The following ZNF613 variants were observed in gnomAD, a reference collection of about 807,000 sequenced individuals.
ZNF613 encodes zinc finger protein 613.
In ZNF613, 8 loss-of-function variants were observed where a neutral mutation model predicts 14.3. The ratio of observed to expected loss-of-function variants is 0.56; its 90% CI spans 0.33 to 1.01. The LOEUF is 1.01. Among genes scored for constraint, ZNF613 ranks in the 50% least tolerant of loss-of-function variants. The pLI is 0.03. For synonymous variants in ZNF613, 228 were observed against 254.5 expected, an observed-to-expected ratio of 0.90 and a Z score of 0.99; for missense variants, 656 against 741.9, an observed-to-expected ratio of 0.88 and a Z score of 1.35.
chr19:51,946,074 C>A lies in ZNF613; in HGVS notation c.*337C>A. ...CACAGGAGAGAAACTTTTGGAAGAC[C>A]TTTGAAGGCTATGAATGTGGCAGGG... On this transcript the variant is annotated 3_prime_UTR_variant, in exon 6 of 6. Transcript: ENST00000293471. 1 of 258,188 alleles carries A rather than the reference C, an allele frequency of 3.9e-6. No individual in the cohort carries two copies. Among genetic ancestry groups the A allele is most frequent in the Non-Finnish European group, 7.5e-6 (1 of 132,802 alleles). The allele number at this position is 258,188 out of a possible 1,614,324, so 16.0% of individuals were successfully genotyped here.
At position 51,945,556 on chromosome 19, in the gene ZNF613, A is replaced by C. The variant is rs758457559; in HGVS notation, c.1673A>C (p.His558Pro). The change falls in exon 6 of 6, where the codon CAT becomes CCT. Residue 558 changes from histidine (H) to proline (P), a missense_variant. His to Pro is a moderately conservative substitution (Grantham distance 77). Coordinates refer to ENST00000293471, the MANE Select transcript of ZNF613 (RefSeq NM_001031721.4). ...NPCSESHSLS[H>P]TRDLIQDKDS... is the part of the protein sequence containing the mutation. The stretch of plus-strand genomic sequence containing the variant: ...TGCTCAGAGAGTCATAGCTTATCAC[A>C]TACACGTGATCTCATACAGGATAAA... The C allele has an allele frequency of 4.1e-5, 66 of 1,614,024 alleles. No homozygotes were observed. The highest frequency in any genetic ancestry group is 5.3e-5 in the Non-Finnish European group (63 of 1,180,002).
chr19:51,932,306 T>G (rs1358421073), intron 2 of ZNF613, among the ~76,000 whole-genome samples: 1 of 144,968 alleles, frequency 6.9e-6, no homozygotes, highest in Non-Finnish European at 1.5e-5. Context: ...CAACATCTTT[T>G]TTTTTTTTTT....
chr19:51,939,327 T>C (rs527680657), intron 3 of ZNF613, among the ~76,000 whole-genome samples: 1 of 151,780 alleles, frequency 6.6e-6, no homozygotes, highest in East Asian at 1.9e-4. Flanking sequence ...TTATTTTATT[T>C]TTATTTATGT....
rs4801902 is a variant in ZNF613, at chr19:51,936,045, C to T, written c.-176C>T. Reference sequence around the variant, plus strand: ...CTCTTCAGCCCACAGGTCCTGACTTCAGGAGCAAGACACTTCAAGTGAGGT... The same window carrying T: ...CTCTTCAGCCCACAGGTCCTGACTTTAGGAGCAAGACACTTCAAGTGAGGT... On this transcript the variant is annotated 5_prime_UTR_variant, in exon 3 of 6. Coordinates refer to ENST00000293471, the MANE Select transcript of ZNF613 (RefSeq NM_001031721.4). 13,174 of 537,124 alleles carry T rather than the reference C, an allele frequency of 0.025. 224 individuals carry two copies. Among genetic ancestry groups the T allele is most frequent in the Non-Finnish European group, 0.035 (10,794 of 311,446 alleles). The allele number at this position is 537,124 out of a possible 1,614,324, so 33.3% of individuals were successfully genotyped here.
intron 2 of ZNF613, 46 bp downstream of exon 2, chr19:51,929,942 G>C (rs1248484644): frequency 1.3e-5 from 2 of 152,114 alleles, no homozygotes; most frequent in Non-Finnish European, 2.9e-5. Context: ...ATTTCAGTAG[G>C]TTTATCATAA....
chr19:51,941,843 T>C (rs1257286959), intron 5 of ZNF613, among the ~76,000 whole-genome samples: 3 of 152,244 alleles, frequency 2.0e-5, no homozygotes, highest in Non-Finnish European at 4.4e-5. Context: ...CTCTTTCAAT[T>C]GATTTTTGAA....
At chr19:51,932,688 T>G (rs2085276098) in intron 2 of ZNF613, among the ~76,000 whole-genome samples, 1 of 152,074 alleles carries the variant, frequency 6.6e-6, no homozygotes, top group South Asian at 2.1e-4. Flanking sequence ...TTTTCTTTTT[T>G]TTTTTGAGAC....
chr19:51,942,597 G>A (rs59559467), intron 5 of ZNF613: 9,351 of 152,312 alleles, frequency 0.061, 466 homozygotes, highest in African/African-American at 0.14. Flanking sequence ...GAACAAGAGG[G>A]GCAGTGGTCG....
intron 3 of ZNF613, 67 bp downstream of exon 3, chr19:51,936,302 A>C: frequency 1.3e-6 from 2 of 1,495,620 alleles, no homozygotes; most frequent in Non-Finnish European, 9.1e-7. Context: ...TTTAAAAGTC[A>C]GTTGAATTAA....
chr19:51,940,310 G>C lies in ZNF613; in HGVS notation c.117G>C (p.Glu39Asp). The change falls in exon 4 of 6, where the codon GAG (glutamate) becomes GAC (aspartate). Residue 39 changes from glutamate (E) to aspartate (D), a missense_variant. Physicochemically the swap from Glu to Asp is conservative, Grantham distance 45. Coordinates refer to ENST00000293471, the MANE Select transcript of ZNF613 (RefSeq NM_001031721.4). ...ACCTGTACCGAGACGTGATGTTGGA[G>C]AACTATAGCAACCTCGTGTCAGTGG... is the stretch of plus-strand genomic sequence containing the variant. ...QKDLYRDVML[E>D]NYSNLVSVGY... is the part of the protein sequence containing the mutation. 1 of 1,613,696 alleles carries C rather than the reference G, an allele frequency of 6.2e-7. No homozygotes were observed. The highest frequency in any genetic ancestry group is 8.5e-7 in the Non-Finnish European group (1 of 1,179,766).
chr19:51,945,016 G>GAA lies in ZNF613; in HGVS notation c.1136_1137dup (p.Gly380LysfsTer65). On this transcript the variant is annotated frameshift_variant, in exon 6 of 6. Transcript: ENST00000293471. LOFTEE classifies it low-confidence loss of function (END_TRUNC). ...AAGTCATATATATGCCGTGATTGTGGAAAAGGCTTCATTCAGAAGGGAAAT... is the reference window on the plus strand; with the variant it reads ...AAGTCATATATATGCCGTGATTGTGGAAAAAAGGCTTCATTCAGAAGGGAAAT... 6.2e-7 allele frequency: 1 copy of GAA among 1,614,178 alleles called. No homozygotes were observed. The highest frequency in any genetic ancestry group is 8.5e-7 in the Non-Finnish European group (1 of 1,180,024).
chr19:51,939,081 T>C (rs1599907152), intron 3 of ZNF613, among the ~76,000 whole-genome samples: 2 of 151,886 alleles, frequency 1.3e-5, no homozygotes, highest in South Asian at 4.1e-4. Flanking sequence ...AATTGGTACA[T>C]GCTAGACCTT....
rs2085402401 is a variant in ZNF613 at position 51,946,461 on chromosome 19, T to TAA, written c.*724_*725insAA. ...AAGATCATTATATGATTAGCTCTTG[T>TAA]GTTTCTTTGATTCCAAATTTCTTCA... On this transcript the variant is annotated 3_prime_UTR_variant, in exon 6 of 6. Transcript: ENST00000293471. 6.6e-6 allele frequency: 1 copy of TAA among 152,252 alleles called. No homozygotes were observed. The highest frequency in any genetic ancestry group is 1.9e-4 in the East Asian group (1 of 5,202). The allele number at this position is 152,252 out of a possible 1,614,324, so 9.4% of individuals were successfully genotyped here. A position where few individuals can be genotyped will look rare whatever the true frequency, so the allele number is the denominator to read the frequency against.
At chr19:51,939,193 T>C (rs1319237653) in intron 3 of ZNF613, among the ~76,000 whole-genome samples, 1 of 152,118 alleles carries the variant, frequency 6.6e-6, no homozygotes, top group Non-Finnish European at 1.5e-5. Context: ...ACCAGTTCAT[T>C]GACTATCTCT....
rs141078100 is a variant in ZNF613, at chr19:51,944,760, T to C, written c.877T>C (p.Cys293Arg). Residue 293 changes from cysteine to arginine, a missense_variant, in exon 6 of 6, where the codon TGT (cysteine) becomes CGT (arginine). Physicochemically the swap from Cys to Arg is radical, Grantham distance 180. Transcript: ENST00000293471. ...AGAGAAGTCATATATATGCAGTGAT[T>C]GTGGAAAAGGCTTCATCAAGAAGTC... Reference protein sequence around the residue: ...TGEKSYICSDCGKGFIKKSRL... With the variant: ...TGEKSYICSDRGKGFIKKSRL... 4.3e-6 allele frequency: 7 copies of C among 1,612,950 alleles called. No individual in the cohort carries two copies. Among genetic ancestry groups the C allele is most frequent in the Non-Finnish European group, 5.9e-6 (7 of 1,179,824 alleles).
chr19:51,940,670 T>C lies in ZNF613; in HGVS notation c.196T>C (p.Trp66Arg). 3 of 1,613,492 alleles carry C rather than the reference T, an allele frequency of 1.9e-6. No individual in the cohort carries two copies. The highest frequency in any genetic ancestry group is 2.5e-6 in the Non-Finnish European group (3 of 1,179,678). Residue 66 changes from tryptophan (W) to arginine (R), a missense_variant, in exon 5 of 6, where the codon TGG becomes CGG. Trp to Arg is a moderately radical substitution (Grantham distance 101). Transcript: ENST00000293471. ...ALFKLEQGEP[W>R]TVENEIHSQI... ...CTTCAAGTTGGAACAAGGAGAGCCATGGACAGTAGAAAATGAAATCCACAG... is the reference window on the plus strand; with the variant it reads ...CTTCAAGTTGGAACAAGGAGAGCCACGGACAGTAGAAAATGAAATCCACAG...
At chr19:51,931,831 G>A (rs1209794331) in intron 2 of ZNF613, among the ~76,000 whole-genome samples, 1 of 152,234 alleles carries the variant, frequency 6.6e-6, no homozygotes, top group South Asian at 2.1e-4. Flanking sequence ...CGATTCTGTC[G>A]CTGTTTGGGG....
Position 51,940,821 on chromosome 19 carries a change from T to C in ZNF613, c.235+112T>C, listed in dbSNP as rs1177376636. 12 of 640,776 alleles carry C rather than the reference T, an allele frequency of 1.9e-5. No homozygotes were observed. The Admixed American group carries it at 2.1e-4, about 11-fold the overall frequency. The allele number at this position is 640,776 out of a possible 1,614,324, so 39.7% of individuals were successfully genotyped here. On this transcript the variant is annotated intron_variant, in intron 5 of 5. Transcript: ENST00000293471. Reference sequence around the variant, plus strand: ...TGAGGCTGTGTGGACAGAGCCTCCATGTATCCCTCTCCCCACACAAAAGCT... The same window carrying C: ...TGAGGCTGTGTGGACAGAGCCTCCACGTATCCCTCTCCCCACACAAAAGCT...
rs1191202930 is a variant in ZNF613, at chr19:51,945,194, C to T, written c.1311C>T (p.Phe437=). The change falls in exon 6 of 6, where the codon TTC becomes TTT. Residue 437 remains phenylalanine, a synonymous_variant. Coordinates refer to ENST00000293471, the MANE Select transcript of ZNF613 (RefSeq NM_001031721.4). ...PYVCNECGKG[F]SQKTCLISHQ... is the part of the protein sequence containing the mutation. ...TATGCAATGAATGTGGGAAAGGCTT[C>T]AGCCAGAAGACATGTTTAATATCCC... 3.1e-6 allele frequency: 5 copies of T among 1,614,200 alleles called. No homozygotes were observed. The South Asian group carries it at 5.5e-5, about 18-fold the overall frequency.
Sources: gnomAD v4.1 joint callset for allele counts (sites outside exome capture counted in the v4.1 genomes callset) on GRCh38, gnomAD v4.1.1 for gene constraint, MANE v1.5 for transcripts, NCBI Gene and HGNC (gene_info 2026-07-23, HGNC 2026-07-21) for gene names.